CENPU: variants seen among roughly 807,000 people sequenced by gnomAD.
CENPU encodes the protein centromere protein U.
Under a neutral mutation model 56.7 loss-of-function variants are expected in CENPU, and 46 were observed. The ratio of observed to expected loss-of-function variants is 0.81; its 90% CI spans 0.64 to 1.04. The LOEUF is 1.04. CENPU is among the 50% of genes least tolerant of loss of function. The pLI, the probability that CENPU is intolerant of heterozygous loss-of-function variation, is 0.00. For missense variants in CENPU, 510 were observed against 490.1 expected (o/e 1.04, Z -0.38); for synonymous variants, 166 against 163.0 (o/e 1.02, Z -0.14).
rs192640882 is a variant in CENPU at position 184,723,772 on chromosome 4, G to A, written c.320+1185C>T. On this transcript the variant is annotated intron_variant, in intron 4 of 12. Coordinates refer to ENST00000281453, the MANE Select transcript of CENPU (RefSeq NM_024629.4). ...GCAGGAGAATTGCTTGAACCTGGGA[G>A]GCGGAGGTTACAGTGAGCCAAGATT... 7.1e-3 allele frequency among the ~76,000 whole-genome samples: 1,061 copies of A among 148,982 alleles called. 12 individuals carry two copies. The highest frequency in any genetic ancestry group is 0.025 in the African/African-American group (1,004 of 40,650).
At chr4:184,718,464 C>G (rs545069956) in intron 4 of CENPU, among the ~76,000 whole-genome samples, 18 of 152,370 alleles carry the variant, frequency 1.2e-4, no homozygotes, top group South Asian at 8.3e-4. Flanking sequence ...GCCATGCATA[C>G]AGGCAAAGGG....
At chr4:184,733,586 T>C (rs1761734479) in intron 1 of CENPU, among the ~76,000 whole-genome samples, 1 of 152,242 alleles carries the variant, frequency 6.6e-6, no homozygotes, top group Non-Finnish European at 1.5e-5. Context: ...CAGTTTACGG[T>C]CTGTGGTTTG....
At chr4:184,714,869 G>A (rs1334502511) in intron 6 of CENPU, among the ~76,000 whole-genome samples, 1 of 151,766 alleles carries the variant, frequency 6.6e-6, no homozygotes, top group African/African-American at 2.4e-5. Flanking sequence ...GTAACTGATA[G>A]ATCAAGCAGA....
chr4:184,728,422 G>A (rs74389824), intron 3 of CENPU, among the ~76,000 whole-genome samples: 17 of 152,274 alleles, frequency 1.1e-4, no homozygotes, highest in African/African-American at 4.1e-4. Context: ...AGTGCCCAGT[G>A]ACACAAGCAG....
chr4:184,720,134 T>G (rs1761225601), intron 4 of CENPU, among the ~76,000 whole-genome samples: 1 of 152,008 alleles, frequency 6.6e-6, no homozygotes. Flanking sequence ...AAATTCAAGA[T>G]AACACAGAGA....
chr4:184,701,597 A>T (rs1760536785), intron 10 of CENPU, among the ~76,000 whole-genome samples: 1 of 152,072 alleles, frequency 6.6e-6, no homozygotes, highest in African/African-American at 2.4e-5. Context: ...TATACAGCTT[A>T]TAGGTGGTAT....
intron 8 of CENPU, among the ~76,000 whole-genome samples, chr4:184,703,188 T>C (rs1279066434): frequency 6.6e-6 from 1 of 152,158 alleles, no homozygotes; most frequent in Non-Finnish European, 1.5e-5. Flanking sequence ...ACCTCACAGG[T>C]GATACCAAGT....
chr4:184,719,921 C>G (rs893979735), intron 4 of CENPU, among the ~76,000 whole-genome samples: 2 of 152,144 alleles, frequency 1.3e-5, no homozygotes, highest in Non-Finnish European at 2.9e-5. Flanking sequence ...TCCAAACAAG[C>G]CCAGACTCCA....
chr4:184,711,300 A>G (rs1477657137), intron 7 of CENPU, among the ~76,000 whole-genome samples: 1 of 152,160 alleles, frequency 6.6e-6, no homozygotes, highest in Non-Finnish European at 1.5e-5. Flanking sequence ...ATTGACACAT[A>G]GTAATTGTAC....
At chr4:184,708,514 T>G (rs1760806524) in intron 8 of CENPU, among the ~76,000 whole-genome samples, 1 of 150,834 alleles carries the variant, frequency 6.6e-6, no homozygotes, top group Non-Finnish European at 1.5e-5. Flanking sequence ...AGACTCAATA[T>G]AGTGAAATTT....
At chr4:184,705,747 T>C (rs924002820) in intron 8 of CENPU, among the ~76,000 whole-genome samples, 7 of 152,208 alleles carry the variant, frequency 4.6e-5, no homozygotes, top group Admixed American at 2.0e-4. Flanking sequence ...AATGGAGGAA[T>C]GGTTATCTGT....
intron 3 of CENPU, among the ~76,000 whole-genome samples, chr4:184,727,246 G>C (rs1218005988): frequency 6.6e-6 from 1 of 151,806 alleles, no homozygotes; most frequent in African/African-American, 2.4e-5. Flanking sequence ...CAGATTCCTA[G>C]AAAACAGAAT....
In CENPU at chr4:184,694,485, C is replaced by T. The variant is rs757183185; in HGVS notation, c.*803G>A. The T allele has an allele frequency of 6.3e-7, 1 of 1,589,330 alleles. No individual in the cohort carries two copies. The highest frequency in any genetic ancestry group is 1.7e-5 in the Admixed American group (1 of 57,200). The stretch of plus-strand genomic sequence containing the variant: ...TCACATATCCTGAGTAAATATTTTC[C>T]TATCCCACTCTCTATCCCTTCACCA... On this transcript the variant is annotated 3_prime_UTR_variant, in exon 13 of 13. Coordinates refer to ENST00000281453, the MANE Select transcript of CENPU (RefSeq NM_024629.4).
At chr4:184,695,521 C>A in intron 12 of CENPU, 120 bp from the exon 13 acceptor site, 1 of 619,748 alleles carries the variant, frequency 1.6e-6, no homozygotes, top group East Asian at 2.8e-5. Flanking sequence ...CTCCTCCTCT[C>A]ATTTTTAACT....
Position 184,734,013 on chromosome 4 carries a change from T to C in CENPU, c.47+3A>G. ...CGCGCTCCCGAGGGTCGGCAGTACT[T>C]ACCCCTCAGACCTGTGAGGCCGCGG... On this transcript the variant is annotated splice_donor_region_variant and intron_variant, in intron 1 of 12. Transcript: ENST00000281453. The C allele has an allele frequency of 5.6e-6, 9 of 1,607,542 alleles. No individual in the cohort carries two copies. Among genetic ancestry groups the C allele is most frequent in the Non-Finnish European group, 5.9e-6 (7 of 1,178,100 alleles).
At chr4:184,696,730 C>A (rs1001550233) in intron 12 of CENPU, among the ~76,000 whole-genome samples, 2 of 151,216 alleles carry the variant, frequency 1.3e-5, no homozygotes, top group African/African-American at 4.8e-5. Flanking sequence ...CATACAAATA[C>A]AAATTTCTTT....
intron 1 of CENPU, among the ~76,000 whole-genome samples, chr4:184,731,170 G>C (rs1371380168): frequency 1.3e-5 from 2 of 152,090 alleles, no homozygotes; most frequent in Non-Finnish European, 1.5e-5. Flanking sequence ...GGAAAAGTTG[G>C]AATCCTGCTG....
rs1438299499 is a variant in CENPU, at chr4:184,694,964, T to C, written c.*324A>G. 1 of 576,214 alleles carries C rather than the reference T, an allele frequency of 1.7e-6. No individual in the cohort carries two copies. The highest frequency in any genetic ancestry group is 2.9e-5 in the East Asian group (1 of 34,792). The allele number at this position is 576,214 out of a possible 1,614,324, so 35.7% of individuals were successfully genotyped here. A position where few individuals can be genotyped will look rare whatever the true frequency, so the allele number is the denominator to read the frequency against. On this transcript the variant is annotated 3_prime_UTR_variant, in exon 13 of 13. Coordinates refer to ENST00000281453, the MANE Select transcript of CENPU (RefSeq NM_024629.4). ...AGCTTTGGTGTAAATTCAGGAGAAA[T>C]CGCCTTATTAATTAATCAAAATTAT...
intron 4 of CENPU, among the ~76,000 whole-genome samples, chr4:184,722,074 A>G (rs1016019854): frequency 3.9e-5 from 6 of 152,248 alleles, no homozygotes; most frequent in Admixed American, 2.6e-4. Context: ...CTAGATATCA[A>G]TAACAGGAGG....
Sources: gnomAD v4.1 joint callset for allele counts (sites outside exome capture counted in the v4.1 genomes callset) on GRCh38, gnomAD v4.1.1 for gene constraint, MANE v1.5 for transcripts, NCBI Gene and HGNC (gene_info 2026-07-23, HGNC 2026-07-21) for gene names.